Variants in MYH8 observed in about 807,000 individuals in gnomAD.
MYH8 encodes myosin-8.
Under a neutral mutation model 233.2 loss-of-function variants are expected in MYH8, and 168 were observed. That is an observed-to-expected ratio of 0.72 (90% CI 0.64 to 0.82). The LOEUF is 0.82. Among genes scored for constraint, MYH8 ranks in the 40% least tolerant of loss-of-function variants. The pLI, the probability that MYH8 is intolerant of heterozygous loss-of-function variation, is 0.00. For synonymous variants in MYH8, 785 were observed against 850.6 expected (o/e 0.92, Z 1.34); for missense variants, 1,995 against 2,327.8 (o/e 0.86, Z 2.94).
rs2072308205 is a variant in MYH8, at chr17:10,418,646, A to G, written c.510T>C (p.Thr170=). The G allele has an allele frequency of 1.2e-6, 2 of 1,613,946 alleles. No individual in the cohort carries two copies. The highest frequency in any genetic ancestry group is 1.7e-6 in the Non-Finnish European group (2 of 1,179,870). ...ISDNAYQFML[T]DRENQSILIT... is the part of the protein sequence containing the mutation. ...TAAATAGATGCCTCACTCACTCACC[A>G]GTCAACATGAACTGATAGGCATTGT... is the stretch of plus-strand genomic sequence containing the variant. Residue 170 remains threonine, a splice_region_variant and synonymous_variant, in exon 5 of 40, where the codon ACT becomes ACC. Coordinates refer to ENST00000403437, the MANE Select transcript of MYH8 (RefSeq NM_002472.3).
Position 10,413,792 on chromosome 17 carries a change from A to G in MYH8, c.1147+110T>C, listed in dbSNP as rs2072265257. The stretch of plus-strand genomic sequence containing the variant: ...GCATGCAGTGTGTGTAAATGTGTAT[A>G]TGCCCTTCACAAGTCGCAAGTCCAG... On this transcript the variant is annotated intron_variant, in intron 12 of 39. Coordinates refer to ENST00000403437, the MANE Select transcript of MYH8 (RefSeq NM_002472.3). 2.7e-6 allele frequency: 4 copies of G among 1,473,490 alleles called. No individual in the cohort carries two copies. The South Asian group carries it at 4.5e-5, about 17-fold the overall frequency. The allele number at this position is 1,473,490 out of a possible 1,614,324, so 91.3% of individuals were successfully genotyped here.
intron 14 of MYH8, 144 bp from the exon 15 acceptor site, chr17:10,411,091 C>T (rs948273225): frequency 4.1e-6 from 6 of 1,455,874 alleles, no homozygotes; most frequent in Non-Finnish European, 5.6e-6. Context: ...AAAAAATGAT[C>T]ATTGGCCGGG....
intron 17 of MYH8, among the ~76,000 whole-genome samples, chr17:10,408,729 C>G (rs962800735): frequency 5.9e-5 from 9 of 152,150 alleles, no homozygotes; most frequent in African/African-American, 2.2e-4. Context: ...GTATCTGAGG[C>G]TCATTCTCAA....
chr17:10,392,789 C>T, intron 37 of MYH8, 42 bp downstream of exon 37: 1 of 1,614,120 alleles, frequency 6.2e-7, no homozygotes, highest in Non-Finnish European at 8.5e-7. Context: ...AGAGAGAGTG[C>T]CCTTTTTCCC....
In MYH8 at chr17:10,412,958, C is replaced by T. The variant is rs2041125; in HGVS notation, c.1148-230G>A. On this transcript the variant is annotated intron_variant, in intron 12 of 39. Transcript: ENST00000403437. The stretch of plus-strand genomic sequence containing the variant: ...AAGTAGTTTTTAAGAAATTTTTCAT[C>T]AACTGTAAACATATGTAGTATTTAT... 0.38 allele frequency among the ~76,000 whole-genome samples: 57,561 copies of T among 152,058 alleles called. 12,098 individuals are homozygous for T. The highest frequency in any genetic ancestry group is 0.87 in the East Asian group (4,480 of 5,172).
chr17:10,398,917 A>G lies in MYH8; in HGVS notation c.3863-31T>C, dbSNP rs373530520. The G allele has an allele frequency of 1.9e-6, 3 of 1,539,926 alleles. No individual in the cohort carries two copies. The African/African-American group carries it at 4.1e-5, about 21-fold the overall frequency. On this transcript the variant is annotated intron_variant, in intron 28 of 39. Coordinates refer to ENST00000403437, the MANE Select transcript of MYH8 (RefSeq NM_002472.3). ...AATAATAGACATAAGGGAATTTTTT[A>G]CTGGCATAAAAATAAGCCTAAACCT... is the stretch of plus-strand genomic sequence containing the variant.
At chr17:10,397,231 C>T (rs2072088349) in intron 30 of MYH8, among the ~76,000 whole-genome samples, 1 of 152,124 alleles carries the variant, frequency 6.6e-6, no homozygotes, top group Non-Finnish European at 1.5e-5. Flanking sequence ...TGTGCACCAC[C>T]ATGCCCAGCT....
intron 12 of MYH8, 142 bp downstream of exon 12, chr17:10,413,760 G>T: frequency 8.2e-7 from 1 of 1,221,286 alleles, no homozygotes; most frequent in Non-Finnish European, 1.2e-6. Flanking sequence ...GAGAGGGGGT[G>T]AGGAAAGCAT....
rs765710469 is a variant in MYH8, at chr17:10,415,565, G to A, written c.555C>T (p.Ala185=). Reference sequence around the variant, plus strand: ...CACGCTTGGTGTTCACAGTCTTTCCGGCACCAGATTCTCCGCTGTCAAACA... The same window carrying A: ...CACGCTTGGTGTTCACAGTCTTTCCAGCACCAGATTCTCCGCTGTCAAACA... ...QSILITGESG[A]GKTVNTKRVI... is the part of the protein sequence containing the mutation. The change falls in exon 7 of 40, where the codon GCC becomes GCT. Residue 185 remains alanine (A), a synonymous_variant. Transcript: ENST00000403437. This position sits in a 1 kb window ranked among gnomAD's most constrained non-coding sequence, Gnocchi z 4.1. The A allele has an allele frequency of 8.1e-6, 13 of 1,613,946 alleles. No homozygotes were observed. The Admixed American group carries it at 8.3e-5, about 10-fold the overall frequency.
intron 5 of MYH8, among the ~76,000 whole-genome samples, chr17:10,416,307 A>T (rs528069065): frequency 2.6e-4 from 39 of 152,276 alleles, no homozygotes; most frequent in Admixed American, 2.3e-3. Flanking sequence ...TAAAGGCAGG[A>T]TATCTTATTG....
chr17:10,398,364 T>A, intron 30 of MYH8, 80 bp downstream of exon 30: 1 of 1,604,258 alleles, frequency 6.2e-7, no homozygotes, highest in South Asian at 1.1e-5. Context: ...AATGTTAGCT[T>A]TTGCTATTGT....
chr17:10,394,778 G>A (rs758010127), intron 34 of MYH8, among the ~76,000 whole-genome samples: 4 of 152,158 alleles, frequency 2.6e-5, no homozygotes, highest in Non-Finnish European at 2.9e-5. Flanking sequence ...TCAGTGAGGT[G>A]GGTAGTTTCA....
chr17:10,412,841 C>A (rs567422426), intron 12 of MYH8, 113 bp from the exon 13 acceptor site: 2 of 1,069,286 alleles, frequency 1.9e-6, no homozygotes, highest in South Asian at 2.6e-5. Context: ...TTAAATAATT[C>A]TATAAAAGGC....
intron 33 of MYH8, 147 bp from the exon 34 acceptor site, chr17:10,395,588 T>G: frequency 1.3e-6 from 1 of 799,324 alleles, no homozygotes; most frequent in Non-Finnish European, 2.0e-6. Flanking sequence ...AGGTAAATCA[T>G]TATTTTGTTT....
At chr17:10,418,524 A>T (rs750900427) in intron 5 of MYH8, 121 bp downstream of exon 5, 28 of 1,574,612 alleles carry the variant, frequency 1.8e-5, no homozygotes, top group Admixed American at 3.5e-5. Flanking sequence ...TTTTTTGAAA[A>T]CAGTGAAGCC....
At position 10,398,546 on chromosome 17, in the gene MYH8, T is replaced by A; in HGVS notation, c.4076A>T (p.Glu1359Val). 6.2e-7 allele frequency: 1 copy of A among 1,614,200 alleles called. No individual in the cohort carries two copies. Among genetic ancestry groups the A allele is most frequent in the South Asian group, 1.1e-5 (1 of 91,088 alleles). ...GGCCTTGGACAGCGCCCTCTGCAGCTCAGCTTTGCCTTCCTGCTCTTCCTC... is the reference window on the plus strand; with the variant it reads ...GGCCTTGGACAGCGCCCTCTGCAGCACAGCTTTGCCTTCCTGCTCTTCCTC... The part of the protein sequence containing the change: ...QYEEEQEGKA[E>V]LQRALSKANS... The change falls in exon 30 of 40, where the codon GAG becomes GTG. Residue 1359 changes from glutamate to valine, a missense_variant. Coordinates refer to ENST00000403437, the MANE Select transcript of MYH8 (RefSeq NM_002472.3).
chr17:10,420,286 A>T, intron 2 of MYH8, 29 bp from the exon 3 acceptor site: 1 of 1,578,860 alleles, frequency 6.3e-7, no homozygotes, highest in Non-Finnish European at 8.7e-7. Flanking sequence ...GGAGAGAGAG[A>T]TATAAAAAGC....
chr17:10,398,469 G>A lies in MYH8; in HGVS notation c.4153C>T (p.Arg1385Cys), dbSNP rs745591903. Residue 1385 changes from arginine (R) to cysteine (C), a missense_variant, in exon 30 of 40, where the codon CGC becomes TGC. Physicochemically the swap from Arg to Cys is radical, Grantham distance 180. This residue lies in a region of MYH8 where 1,498 missense variants were observed against 1,680.9 expected (regional missense o/e 0.89). Coordinates refer to ENST00000403437, the MANE Select transcript of MYH8 (RefSeq NM_002472.3). ...TTGGCCTCCTCCAGCTCCTCTGTGC[G>A]CTGGATGGCATCCGTCTCGTATTTG... Reference protein sequence around the residue: ...RTKYETDAIQRTEELEEAKKK... With the variant: ...RTKYETDAIQCTEELEEAKKK... The A allele has an allele frequency of 1.1e-5, 18 of 1,613,830 alleles. No individual in the cohort carries two copies. In the East Asian group the frequency reaches 2.2e-4, roughly 20 times the overall value.
chr17:10,415,456 T>G lies in MYH8; in HGVS notation c.648+16A>C. The stretch of plus-strand genomic sequence containing the variant: ...AGAGCCTTGACAGAGGTTTTGACTC[T>G]GGCTATCAGACCTACCTGCATTTTG... On this transcript the variant is annotated intron_variant, in intron 7 of 39. Transcript: ENST00000403437. This position sits in a 1 kb window ranked among gnomAD's most constrained non-coding sequence, Gnocchi z 4.1. 1 of 1,613,798 alleles carries G rather than the reference T, an allele frequency of 6.2e-7. No homozygotes were observed. Among genetic ancestry groups the G allele is most frequent in the South Asian group, 1.1e-5 (1 of 91,072 alleles).
Sources: allele counts gnomAD v4.1 joint callset (sites outside exome capture counted in the v4.1 genomes callset), GRCh38; gene constraint gnomAD v4.1.1; regional missense constraint gnomAD v4.1.1; non-coding constraint Gnocchi (gnomAD v3.1); transcripts MANE v1.5; gene names NCBI Gene and HGNC (gene_info 2026-07-23, HGNC 2026-07-21).